Variants in DAB1 observed in about 807,000 individuals in gnomAD.
DAB1 encodes disabled homolog 1.
A neutral mutation model predicts 64.6 loss-of-function variants in DAB1; 15 were observed. The observed-to-expected ratio is 0.23, with a 90% confidence interval of 0.16 to 0.36. The LOEUF (loss-of-function observed/expected upper bound fraction) is 0.36, where lower values mean the gene tolerates loss of function less well. Among genes scored for constraint, DAB1 ranks in the 10% least tolerant of loss-of-function variants. The pLI is 1.00. For synonymous variants in DAB1, 235 were observed against 251.9 expected (o/e 0.93, Z 0.64); for missense variants, 596 against 706.7 (o/e 0.84, Z 1.78).
intron 4 of DAB1, among the ~76,000 whole-genome samples, chr1:57,086,684 CACAT>C (rs1453446234): frequency 2.7e-4 from 39 of 145,772 alleles, no homozygotes; most frequent in Middle Eastern, 3.5e-3. Flanking sequence ...CACACACACA[CACAT>C]GAAAAAAACC....
At chr1:57,060,367 G>T (rs934924761) in intron 9 of DAB1, among the ~76,000 whole-genome samples, 3 of 151,954 alleles carry the variant, frequency 2.0e-5, no homozygotes, top group African/African-American at 7.3e-5. Context: ...GGCCAGGCTG[G>T]TCTCGAACTC....
intron 2 of DAB1, among the ~76,000 whole-genome samples, chr1:57,160,427 T>C (rs1258790488): frequency 6.6e-6 from 1 of 151,986 alleles, no homozygotes; most frequent in African/African-American, 2.4e-5. Flanking sequence ...GAAAGGCATG[T>C]AAAGAAAAGA....
chr1:58,508,181 G>C (rs757981969), intron 2 of DAB1, among the ~76,000 whole-genome samples: 22 of 152,142 alleles, frequency 1.4e-4, no homozygotes, highest in Non-Finnish European at 2.9e-4. Context: ...GGGGACTTGA[G>C]ATATCTACTT....
At chr1:57,820,361 T>C (rs1652062242) in intron 6 of DAB1, among the ~76,000 whole-genome samples, 1 of 152,168 alleles carries the variant, frequency 6.6e-6, no homozygotes, top group Non-Finnish European at 1.5e-5. Flanking sequence ...AAACTTCCCC[T>C]TTTCCTTCTT....
chr1:58,038,286 G>C (rs1051799768), intron 5 of DAB1, among the ~76,000 whole-genome samples: 10 of 152,156 alleles, frequency 6.6e-5, no homozygotes, highest in Non-Finnish European at 1.2e-4. Context: ...GAGAAAACTT[G>C]ATAATGGACT....
At chr1:57,148,307 G>T (rs1659343210) in intron 2 of DAB1, among the ~76,000 whole-genome samples, 1 of 152,144 alleles carries the variant, frequency 6.6e-6, no homozygotes, top group Admixed American at 6.5e-5. Flanking sequence ...GCCATTTAGA[G>T]GAAAGTAGGG....
At chr1:58,203,577 G>C (rs1370018555) in intron 4 of DAB1, among the ~76,000 whole-genome samples, 1 of 152,120 alleles carries the variant, frequency 6.6e-6, no homozygotes, top group Admixed American at 6.5e-5. Flanking sequence ...GAGAATCACT[G>C]GGAGACTTGT....
intron 6 of DAB1, among the ~76,000 whole-genome samples, chr1:57,738,375 G>A (rs543981326): frequency 6.6e-4 from 101 of 152,224 alleles, no homozygotes; most frequent in African/African-American, 2.4e-3. Context: ...GATTTATAGC[G>A]AGATATAGGT....
chr1:57,041,754 T>C (rs745406481), intron 9 of DAB1, among the ~76,000 whole-genome samples: 4 of 152,220 alleles, frequency 2.6e-5, no homozygotes, highest in Admixed American at 6.5e-5. Flanking sequence ...CCTTTAGGAA[T>C]ATGATGATTT....
intron 6 of DAB1, among the ~76,000 whole-genome samples, chr1:57,693,708 G>T (rs1280787894): frequency 6.6e-6 from 1 of 152,142 alleles, no homozygotes; most frequent in African/African-American, 2.4e-5. Flanking sequence ...ATGCCACAAA[G>T]GTCTGCGGCT....
intron 4 of DAB1, among the ~76,000 whole-genome samples, chr1:58,259,068 G>A (rs1171674136): frequency 6.6e-6 from 1 of 152,176 alleles, no homozygotes; most frequent in Non-Finnish European, 1.5e-5. Flanking sequence ...AAATTTTACA[G>A]GATTGTAAAA....
intron 4 of DAB1, among the ~76,000 whole-genome samples, chr1:58,163,127 G>A (rs2100752530): frequency 6.6e-6 from 1 of 152,274 alleles, no homozygotes; most frequent in Non-Finnish European, 1.5e-5. Context: ...GTCCTGCCTG[G>A]CCCTATCCAG....
chr1:57,754,206 T>C (rs1296454552), intron 6 of DAB1, among the ~76,000 whole-genome samples: 1 of 152,182 alleles, frequency 6.6e-6, no homozygotes, highest in Non-Finnish European at 1.5e-5. Flanking sequence ...CTCCCCATCA[T>C]CTTTTATGCA....
At chr1:58,002,115 A>G (rs1646515070) in intron 5 of DAB1, among the ~76,000 whole-genome samples, 1 of 152,192 alleles carries the variant, frequency 6.6e-6, no homozygotes, top group African/African-American at 2.4e-5. Flanking sequence ...TGGCCACCAG[A>G]ATTGCAAAAA....
At position 58,528,588 on chromosome 1, in the gene DAB1, G is replaced by A. The variant is rs182378407; in HGVS notation, n.33-1253C>T. On this transcript the variant is annotated intron_variant and non_coding_transcript_variant, in intron 1 of 20. Coordinates refer to the DAB1 transcript ENST00000485760. ...GAGAGCTACTGACATCTAGGGAATG[G>A]GGGTCAGAAATGCTACTAAACATCC... Among the ~76,000 whole-genome samples, 362 of 152,234 alleles carry A rather than the reference G, an allele frequency of 2.4e-3. 2 individuals are homozygous for A. The highest frequency in any genetic ancestry group is 3.7e-3 in the Non-Finnish European group (253 of 68,008).
At chr1:57,471,890 T>C (rs12132685) in intron 7 of DAB1, among the ~76,000 whole-genome samples, 47,180 of 152,148 alleles carry the variant, frequency 0.31, 8,609 homozygotes, top group Non-Finnish European at 0.43. Context: ...TTAATGTAAA[T>C]GTGGATGTTT....
chr1:57,010,750 C>T lies in DAB1; in HGVS notation c.1613G>A (p.Gly538Asp). 3 of 1,597,724 alleles carry T rather than the reference C, an allele frequency of 1.9e-6. No homozygotes were observed. The highest frequency in any genetic ancestry group is 2.6e-6 in the Non-Finnish European group (3 of 1,169,552). ...ACCACTGGGCTCCCCACTGGGCTCA[C>T]CAAATGGATCACTGTTGGATGAGGC... ...SQASSNSDPF[G>D]EPSGEPSGDN... The change falls in exon 14 of 15, where the codon GGT becomes GAT. Residue 538 changes from glycine (G) to aspartate (D), a missense_variant. Gly to Asp is a moderately conservative substitution (Grantham distance 94). Transcript: ENST00000371236.
At chr1:58,499,502 A>ATAGATAGATAGATAGATAGG in intron 3 of DAB1, among the ~76,000 whole-genome samples, 1 of 146,714 alleles carries the variant, frequency 6.8e-6, no homozygotes, top group South Asian at 2.2e-4. Context: ...AGATAGATAG[A>ATAGATAGATAGATAGATAGG]TAGATAAATA....
At chr1:57,907,594 C>T (rs374155881) in intron 5 of DAB1, among the ~76,000 whole-genome samples, 7 of 152,128 alleles carry the variant, frequency 4.6e-5, no homozygotes, top group Admixed American at 1.3e-4. Flanking sequence ...TGCTCTTTCT[C>T]GCCTCATAGT....
Sources: allele counts gnomAD v4.1 joint callset (sites outside exome capture counted in the v4.1 genomes callset), GRCh38; gene constraint gnomAD v4.1.1; transcripts MANE v1.5; gene names NCBI Gene and HGNC (gene_info 2026-07-23, HGNC 2026-07-21).